Variants in KLHL29 observed in about 807,000 individuals in gnomAD.
KLHL29 encodes kelch-like protein 29.
A neutral mutation model predicts 80.4 loss-of-function variants in KLHL29; 21 were observed. The ratio of observed to expected loss-of-function variants is 0.26; its 90% confidence interval spans 0.19 to 0.38. The LOEUF is 0.38. KLHL29 is among the 10% of genes least tolerant of loss of function. The pLI is 1.00. For synonymous variants in KLHL29, 511 were observed against 526.8 expected (o/e 0.97, Z 0.41); for missense variants, 867 against 1,223.9 (o/e 0.71, Z 4.35).
At chr2:23,394,734 A>T (rs1163306321) in intron 1 of KLHL29, among the ~76,000 whole-genome samples, 3 of 152,274 alleles carry the variant, frequency 2.0e-5, no homozygotes, top group Non-Finnish European at 2.9e-5. Context: ...AAAGTGTGAA[A>T]TAAATTTAAA....
chr2:23,427,638 CAT>C (rs1410001873), intron 1 of KLHL29, among the ~76,000 whole-genome samples: 1 of 152,046 alleles, frequency 6.6e-6, no homozygotes, highest in Non-Finnish European at 1.5e-5. Flanking sequence ...AGAGATGGCT[CAT>C]GTGGTCAGGC....
intron 2 of KLHL29, among the ~76,000 whole-genome samples, chr2:23,550,597 A>G (rs1572395000): frequency 6.6e-6 from 1 of 152,342 alleles, no homozygotes; most frequent in East Asian, 1.9e-4. Flanking sequence ...CGAGGAAGAT[A>G]ATATCCTGTC....
At chr2:23,410,876 A>T (rs985264706) in intron 1 of KLHL29, among the ~76,000 whole-genome samples, 3 of 152,082 alleles carry the variant, frequency 2.0e-5, no homozygotes, top group Non-Finnish European at 2.9e-5. Flanking sequence ...CACAGGCCCC[A>T]TCCTTCAGAG....
In KLHL29 at chr2:23,661,613, G is replaced by A. The variant is rs77317919; in HGVS notation, c.940+18763G>A. Reference sequence around the variant, plus strand: ...GCTCCTGGGACCAGGTCAGTTATCTGGAAGGACATGGCTTTACTCGTGGCC... The same window carrying A: ...GCTCCTGGGACCAGGTCAGTTATCTAGAAGGACATGGCTTTACTCGTGGCC... On this transcript the variant is annotated intron_variant, in intron 5 of 13. Coordinates refer to ENST00000486442, the MANE Select transcript of KLHL29 (RefSeq NM_052920.2). 6.2e-3 allele frequency among the ~76,000 whole-genome samples: 938 copies of A among 152,348 alleles called. 6 individuals are homozygous for A. The highest frequency in any genetic ancestry group is 9.9e-3 in the Admixed American group (152 of 15,304).
intron 5 of KLHL29, chr2:23,668,111 G>C (rs1670605142): frequency 6.6e-6 from 1 of 152,458 alleles, no homozygotes; most frequent in African/African-American, 2.4e-5. Context: ...TGGCCCAACT[G>C]TAGCATCCCT....
chr2:23,619,623 C>T (rs995533704), intron 3 of KLHL29, among the ~76,000 whole-genome samples: 2 of 133,386 alleles, frequency 1.5e-5, no homozygotes, highest in African/African-American at 5.0e-5. Context: ...GGAGAAGCCT[C>T]CTCCCCTTTG....
chr2:23,393,871 C>G (rs773640174), intron 1 of KLHL29, among the ~76,000 whole-genome samples: 2 of 152,176 alleles, frequency 1.3e-5, no homozygotes, highest in Non-Finnish European at 2.9e-5. Flanking sequence ...GGCACTGGCA[C>G]GGTCACTCCT....
chr2:23,428,625 A>G (rs1422613065), intron 1 of KLHL29, among the ~76,000 whole-genome samples: 1 of 152,098 alleles, frequency 6.6e-6, no homozygotes, highest in Non-Finnish European at 1.5e-5. Flanking sequence ...CACACACTTA[A>G]TTATGTTATA....
intron 5 of KLHL29, among the ~76,000 whole-genome samples, chr2:23,649,741 C>G (rs1670037708): frequency 6.6e-6 from 1 of 152,256 alleles, no homozygotes; most frequent in African/African-American, 2.4e-5. Context: ...GAGGGCTGTT[C>G]AGACGAGAGC....
intron 2 of KLHL29, among the ~76,000 whole-genome samples, chr2:23,513,054 A>G (rs1434323081): frequency 3.9e-5 from 6 of 152,206 alleles, no homozygotes; most frequent in African/African-American, 1.4e-4. Context: ...GGTGACCCCC[A>G]AGAGGGGAGA....
intron 1 of KLHL29, among the ~76,000 whole-genome samples, chr2:23,400,105 GC>G (rs1318610528): frequency 1.3e-5 from 2 of 152,184 alleles, no homozygotes; most frequent in African/African-American, 4.8e-5. Context: ...TGGTGACTCA[GC>G]ACTAGGGACA....
At chr2:23,593,481 A>G (rs1039873854) in intron 3 of KLHL29, among the ~76,000 whole-genome samples, 1 of 152,104 alleles carries the variant, frequency 6.6e-6, no homozygotes, top group Non-Finnish European at 1.5e-5. Flanking sequence ...AGATGCATCT[A>G]TTCAGTGCAT....
At chr2:23,643,987 C>T (rs564751049) in intron 5 of KLHL29, 1 of 152,342 alleles carries the variant, frequency 6.6e-6, no homozygotes, top group Admixed American at 6.5e-5. Context: ...ACTAGCCACT[C>T]TCCTGTCTTC....
chr2:23,551,133 C>A (rs191429960), intron 2 of KLHL29, among the ~76,000 whole-genome samples: 2 of 152,346 alleles, frequency 1.3e-5, no homozygotes, highest in East Asian at 1.9e-4. Context: ...GCCACCACAG[C>A]TCCCTCATCG....
At chr2:23,478,923 T>A (rs992502092) in intron 2 of KLHL29, among the ~76,000 whole-genome samples, 1 of 151,656 alleles carries the variant, frequency 6.6e-6, no homozygotes, top group Non-Finnish European at 1.5e-5. Context: ...CCGCCTTTAC[T>A]TCCCCCAGTC....
intron 3 of KLHL29, among the ~76,000 whole-genome samples, chr2:23,615,340 C>G (rs1668977640): frequency 6.6e-6 from 1 of 152,240 alleles, no homozygotes; most frequent in South Asian, 2.1e-4. Flanking sequence ...AGGGACCCCA[C>G]TTCCAGAGGA....
chr2:23,568,097 T>C (rs1037892472), intron 3 of KLHL29, among the ~76,000 whole-genome samples: 3 of 152,148 alleles, frequency 2.0e-5, no homozygotes, highest in Non-Finnish European at 4.4e-5. Context: ...GCCTGCAGTT[T>C]GGGCTGAGTG....
rs1558402667 is a variant in KLHL29 at position 23,597,305 on chromosome 2, ATATATGTGTGTG to A, written c.285+34826_285+34837del. Among the ~76,000 whole-genome samples the A allele has an allele frequency of 3.6e-3, 347 of 97,574 alleles. 15 individuals are homozygous for A. The highest frequency in any genetic ancestry group is 2.1e-3 in the Non-Finnish European group (108 of 51,722). 64.0% of individuals were successfully genotyped at this position (97,574 alleles called of 152,430 possible). A position where few individuals can be genotyped will look rare whatever the true frequency, so the allele number is the denominator to read the frequency against. ...CTATCTCTCTCTCTCTCATATATATATATATGTGTGTGTGTGTGTGTGTGTGTGTGTGTGTGT... is the reference window on the plus strand; with the variant it reads ...CTATCTCTCTCTCTCTCATATATATATGTGTGTGTGTGTGTGTGTGTGTGT... On this transcript the variant is annotated intron_variant, in intron 3 of 13. Transcript: ENST00000486442.
chr2:23,523,331 A>C (rs1351247888), intron 2 of KLHL29, among the ~76,000 whole-genome samples: 1 of 152,158 alleles, frequency 6.6e-6, no homozygotes, highest in African/African-American at 2.4e-5. Flanking sequence ...CTCTATTCTA[A>C]AGCAAAGGAC....
Sources: allele counts gnomAD v4.1 joint callset (sites outside exome capture counted in the v4.1 genomes callset), GRCh38; gene constraint gnomAD v4.1.1; transcripts MANE v1.5; gene names NCBI Gene and HGNC (gene_info 2026-07-23, HGNC 2026-07-21).